The following TBXT variants were observed in gnomAD, a reference collection of about 807,000 sequenced individuals.
TBXT encodes T brachyury transcription factor.
TBXT carries 19 observed loss-of-function variants against 41.1 expected under a neutral mutation model. The observed-to-expected ratio is 0.46, with a 90% CI of 0.32 to 0.68. TBXT has a LOEUF of 0.68. TBXT is among the 30% of genes least tolerant of loss of function. The pLI, the probability that TBXT is intolerant of heterozygous loss-of-function variation, is 0.03. For synonymous variants in TBXT, 213 were observed against 238.9 expected (o/e 0.89, Z 1.00); for missense variants, 536 against 582.0 (o/e 0.92, Z 0.81).
Position 166,158,435 on chromosome 6 carries a change from C to T in TBXT, c.1191G>A (p.Ser397=), listed in dbSNP as rs764835063. The T allele has an allele frequency of 4.3e-6, 7 of 1,614,018 alleles. No homozygotes were observed. The highest frequency in any genetic ancestry group is 1.7e-5 in the Admixed American group (1 of 60,010). Residue 397 remains serine, a synonymous_variant, in exon 8 of 8, where the codon TCG becomes TCA. Transcript: ENST00000366876. ...LTHPVSAPSS[S]GSPLYEGAAA... is the part of the protein sequence containing the mutation. ...CCGCCCCTTCGTACAGTGGGGATCC[C>T]GAGGAAGAGGGCGCCGAGACCGGAT...
intron 1 of TBXT, 69 bp downstream of exon 1, chr6:166,167,317 T>C: frequency 6.3e-7 from 1 of 1,584,924 alleles, no homozygotes; most frequent in Non-Finnish European, 8.6e-7. Context: ...CTCCGGGAAC[T>C]TGCCAGGTCC....
At chr6:166,159,857 C>A (rs1337762406) in intron 7 of TBXT, among the ~76,000 whole-genome samples, 1 of 152,158 alleles carries the variant, frequency 6.6e-6, no homozygotes, top group Non-Finnish European at 1.5e-5. Flanking sequence ...TTGCAGTGTG[C>A]GGGTCATCTG....
intron 7 of TBXT, among the ~76,000 whole-genome samples, chr6:166,160,040 C>T (rs1253511526): frequency 6.6e-6 from 1 of 152,194 alleles, no homozygotes; most frequent in East Asian, 1.9e-4. Flanking sequence ...AAATGAAGTG[C>T]ATTGCCTTTG....
At position 166,167,539 on chromosome 6, in the gene TBXT, T is replaced by C; in HGVS notation, c.53A>G (p.Asp18Gly). 1 of 1,597,978 alleles carries C rather than the reference T, an allele frequency of 6.3e-7. No homozygotes were observed. The highest frequency in any genetic ancestry group is 8.5e-7 in the Non-Finnish European group (1 of 1,176,756). Residue 18 changes from aspartate (D) to glycine (G), a missense_variant, in exon 1 of 8, where the codon GAC becomes GGC. Physicochemically the swap from Asp to Gly is moderately conservative, Grantham distance 94. Coordinates refer to ENST00000366876, the MANE Select transcript of TBXT (RefSeq NM_001366285.2). ...ATTCTCCACGGCGCTCAGCAGGTGG[T>C]CCACTCGGTACTGCAGGCTCTTTCC... is the stretch of plus-strand genomic sequence containing the variant. ...SAGKSLQYRV[D>G]HLLSAVENEL...
chr6:166,163,466 C>T (rs1779019323), intron 5 of TBXT, among the ~76,000 whole-genome samples: 1 of 152,196 alleles, frequency 6.6e-6, no homozygotes, highest in South Asian at 2.1e-4. Context: ...TTATTGCAAT[C>T]TCCGCCTCTC....
At chr6:166,158,899 G>A (rs1016027944) in intron 7 of TBXT, among the ~76,000 whole-genome samples, 11 of 152,324 alleles carry the variant, frequency 7.2e-5, no homozygotes, top group South Asian at 2.1e-4. Context: ...CAGGCCAGCC[G>A]CAGTGGGTGA....
At chr6:166,161,155 T>C (rs1432052217) in intron 6 of TBXT, among the ~76,000 whole-genome samples, 189 bp from the exon 7 acceptor site, 3 of 152,232 alleles carry the variant, frequency 2.0e-5, no homozygotes, top group East Asian at 3.8e-4. Flanking sequence ...TTGCCAAATA[T>C]ATGTATTTGA....
intron 5 of TBXT, among the ~76,000 whole-genome samples, chr6:166,164,250 A>G (rs1779043414): frequency 2.0e-5 from 3 of 152,220 alleles, no homozygotes; most frequent in Admixed American, 6.5e-5. Context: ...CTCTTCAACC[A>G]TTAATGAAAG....
upstream of TBXT, chr6:166,167,952 C>G (rs1779187683): frequency 2.7e-6 from 1 of 368,292 alleles, no homozygotes; most frequent in East Asian, 6.3e-5. Context: ...GCCGGGCAGC[C>G]TCCCATTGGC....
At chr6:166,162,338 C>T in intron 6 of TBXT, 109 bp downstream of exon 6, 1 of 1,314,696 alleles carries the variant, frequency 7.6e-7, no homozygotes. Context: ...GTATGTGTTC[C>T]AGAAAACCGT....
intron 2 of TBXT, among the ~76,000 whole-genome samples, 186 bp from the exon 3 acceptor site, chr6:166,166,026 G>A (rs1480746409): frequency 2.6e-5 from 4 of 152,146 alleles, no homozygotes; most frequent in Non-Finnish European, 5.9e-5. Context: ...CAGCTTGTTT[G>A]GAAAAGGGAT....
chr6:166,165,823 C>A lies in TBXT; in HGVS notation c.489G>T (p.Leu163Phe), dbSNP rs927846430. Residue 163 changes from leucine to phenylalanine, a missense_variant, in exon 3 of 8, where the codon TTG becomes TTT. Coordinates refer to ENST00000366876, the MANE Select transcript of TBXT (RefSeq NM_001366285.2). ...TGTGGATTCGAGGCTCATACTTATG[C>A]AAGGAGTTCAGCATGATCTGAGGGA... ...NGGGQIMLNSLHKYEPRIHIV... is the reference protein window; with the variant it reads ...NGGGQIMLNSFHKYEPRIHIV... 3 of 1,614,050 alleles carry A rather than the reference C, an allele frequency of 1.9e-6. No homozygotes were observed. The African/African-American group carries it at 4.0e-5, about 22-fold the overall frequency.
At position 166,158,258 on chromosome 6, in the gene TBXT, C is replaced by T; in HGVS notation, c.*57G>A. ...GGTACCTAGTAGGTCAATCCAGTCA[C>T]CACTGGCTGCCACGACAAAAAGTCA... On this transcript the variant is annotated 3_prime_UTR_variant, in exon 8 of 8. Transcript: ENST00000366876. 1 of 1,614,034 alleles carries T rather than the reference C, an allele frequency of 6.2e-7. No homozygotes were observed. The highest frequency in any genetic ancestry group is 8.5e-7 in the Non-Finnish European group (1 of 1,179,930).
At position 166,160,888 on chromosome 6, in the gene TBXT, T is replaced by C; in HGVS notation, c.986A>G (p.His329Arg). 1 of 1,614,068 alleles carries C rather than the reference T, an allele frequency of 6.2e-7. No individual in the cohort carries two copies. The highest frequency in any genetic ancestry group is 8.5e-7 in the Non-Finnish European group (1 of 1,180,016). Residue 329 changes from histidine to arginine, a missense_variant, in exon 7 of 8, where the codon CAT (histidine) becomes CGT (arginine). By Grantham distance (29) the His-to-Arg change is conservative. Transcript: ENST00000366876. ...DNWSSLGMPA[H>R]PSMLPVSHNA... ...GTGGCTCACGGGGAGCATGCTGGGA[T>C]GGGCAGGCATTCCAAGGCTGGACCA...
chr6:166,167,326 C>G lies in TBXT; in HGVS notation c.206+60G>C, dbSNP rs540473962. Reference sequence around the variant, plus strand: ...TTCGACCTCCGGGAACTTGCCAGGTCCCCCAGGCTGCCCAGGCGCTGGAGA... The same window carrying G: ...TTCGACCTCCGGGAACTTGCCAGGTGCCCCAGGCTGCCCAGGCGCTGGAGA... On this transcript the variant is annotated intron_variant, in intron 1 of 7. Coordinates refer to ENST00000366876, the MANE Select transcript of TBXT (RefSeq NM_001366285.2). 118 of 1,597,358 alleles carry G rather than the reference C, an allele frequency of 7.4e-5. No individual in the cohort carries two copies. The East Asian group carries it at 1.5e-3, about 21-fold the overall frequency.
At position 166,158,158 on chromosome 6, in the gene TBXT, G is replaced by T; in HGVS notation, c.*157C>A. The stretch of plus-strand genomic sequence containing the variant: ...GGATGCTGGGGCTCTGGGGAAAGGT[G>T]CCGTGTGCTCCTCCACTGCTTTGAA... On this transcript the variant is annotated 3_prime_UTR_variant, in exon 8 of 8. Transcript: ENST00000366876. 1.8e-6 allele frequency: 2 copies of T among 1,135,512 alleles called. No individual in the cohort carries two copies. Among genetic ancestry groups the T allele is most frequent in the Admixed American group, 1.9e-5 (1 of 53,270 alleles). The allele number at this position is 1,135,512 out of a possible 1,614,324, so 70.3% of individuals were successfully genotyped here.
At chr6:166,161,828 C>T (rs1778964437) in intron 6 of TBXT, among the ~76,000 whole-genome samples, 1 of 152,246 alleles carries the variant, frequency 6.6e-6, no homozygotes, top group African/African-American at 2.4e-5. Flanking sequence ...GAGGCTGAGG[C>T]AGGAGAATGG....
intron 5 of TBXT, among the ~76,000 whole-genome samples, chr6:166,163,383 T>C (rs1779017593): frequency 6.6e-6 from 1 of 152,140 alleles, no homozygotes; most frequent in Non-Finnish European, 1.5e-5. Context: ...TCTTGTCCAC[T>C]CATTTTTTTC....
At chr6:166,158,978 G>A (rs531862159) in intron 7 of TBXT, among the ~76,000 whole-genome samples, 16 of 152,322 alleles carry the variant, frequency 1.1e-4, no homozygotes, top group African/African-American at 3.8e-4. Context: ...TTCAAGGCCA[G>A]CCTGACTAAC....
Sources: allele counts gnomAD v4.1 joint callset (sites outside exome capture counted in the v4.1 genomes callset), GRCh38; gene constraint gnomAD v4.1.1; transcripts MANE v1.5; gene names NCBI Gene and HGNC (gene_info 2026-07-23, HGNC 2026-07-21).